The following CFAP77 variants were observed in gnomAD, a reference collection of about 807,000 sequenced individuals.
CFAP77 encodes cilia and flagella associated protein 77.
In CFAP77, 25 loss-of-function variants were observed where a neutral mutation model predicts 31.1. The ratio of observed to expected loss-of-function variants is 0.80; its 90% confidence interval spans 0.59 to 1.12. The LOEUF is 1.12. Ranked by LOEUF, CFAP77 falls within the 50% of genes most tolerant of loss-of-function variation. The pLI, the probability that CFAP77 is intolerant of heterozygous loss-of-function variation, is 0.00. For synonymous variants in CFAP77, 151 were observed against 159.9 expected (o/e 0.94, Z 0.42); for missense variants, 377 against 397.3 (o/e 0.95, Z 0.44).
At position 132,499,363 on chromosome 9, in the gene CFAP77, T is replaced by A; in HGVS notation, c.296-9T>A. On this transcript the variant is annotated splice_polypyrimidine_tract_variant and intron_variant, in intron 2 of 5. Coordinates refer to ENST00000393216, the MANE Select transcript of CFAP77 (RefSeq NM_001282957.2). This position sits in a 1 kb window ranked among gnomAD's most constrained non-coding sequence, Gnocchi z 5.4. ...GACCACTGCCCCGTGGGTCTCTCCC[T>A]GCCCTCAGCCATCGGACGCTGGAAC... 1 of 1,613,606 alleles carries A rather than the reference T, an allele frequency of 6.2e-7. No homozygotes were observed. The highest frequency in any genetic ancestry group is 8.5e-7 in the Non-Finnish European group (1 of 1,179,794).
chr9:132,561,372 C>T lies in CFAP77; in HGVS notation c.733-11016C>T, dbSNP rs191080968. Reference sequence around the variant, plus strand: ...ATTTTTTTAAATCTGTTTTCCCCCCCCAAATCCTCCCTTTTGCCTTGTTAG... The same window carrying T: ...ATTTTTTTAAATCTGTTTTCCCCCCTCAAATCCTCCCTTTTGCCTTGTTAG... On this transcript the variant is annotated intron_variant, in intron 5 of 5. Transcript: ENST00000393216. 1.6e-4 allele frequency among the ~76,000 whole-genome samples: 24 copies of T among 151,842 alleles called. No individual in the cohort carries two copies. The South Asian group carries it at 4.6e-3, about 29-fold the overall frequency.
At chr9:132,435,329 T>A (rs779678988) in intron 1 of CFAP77, among the ~76,000 whole-genome samples, 12 of 152,208 alleles carry the variant, frequency 7.9e-5, no homozygotes, top group Non-Finnish European at 1.5e-4. Flanking sequence ...TTTGGGGTTC[T>A]AAGAGAGAGA....
At chr9:132,559,477 G>A (rs1173860581) in intron 5 of CFAP77, among the ~76,000 whole-genome samples, 1 of 151,472 alleles carries the variant, frequency 6.6e-6, no homozygotes, top group Non-Finnish European at 1.5e-5. Flanking sequence ...AAATCACAAT[G>A]AGATGGGACT....
At chr9:132,486,481 A>G (rs1229683906) in intron 1 of CFAP77, among the ~76,000 whole-genome samples, 2 of 152,112 alleles carry the variant, frequency 1.3e-5, no homozygotes, top group East Asian at 3.9e-4. Flanking sequence ...TCCTTCCCCA[A>G]GACGATGAGC....
At chr9:132,507,608 A>T (rs1027595642) in intron 3 of CFAP77, among the ~76,000 whole-genome samples, 13 of 152,120 alleles carry the variant, frequency 8.5e-5, no homozygotes, top group African/African-American at 2.7e-4. Context: ...TGCCAAGCTG[A>T]TATATTTTAC....
At chr9:132,461,742 A>T (rs1390982998) in intron 1 of CFAP77, among the ~76,000 whole-genome samples, 4 of 152,218 alleles carry the variant, frequency 2.6e-5, no homozygotes, top group Non-Finnish European at 4.4e-5. Context: ...CAATGGCCAT[A>T]ACAAGGCAAT....
chr9:132,523,053 G>A (rs537001886), intron 3 of CFAP77, among the ~76,000 whole-genome samples: 6 of 151,240 alleles, frequency 4.0e-5, no homozygotes, highest in South Asian at 2.1e-4. Context: ...CTCGGGCCTC[G>A]CTGTGGACAT....
At chr9:132,447,209 T>TC (rs1267414238) in intron 1 of CFAP77, among the ~76,000 whole-genome samples, 8 of 152,004 alleles carry the variant, frequency 5.3e-5, no homozygotes, top group South Asian at 4.2e-4. Flanking sequence ...TTTTATGTTT[T>TC]CCCCCCTTAA....
At chr9:132,553,055 T>G (rs532590721) in intron 5 of CFAP77, among the ~76,000 whole-genome samples, 1 of 152,188 alleles carries the variant, frequency 6.6e-6, no homozygotes, top group Non-Finnish European at 1.5e-5. Flanking sequence ...CTGGAGACTA[T>G]AAGTCCAAGG....
chr9:132,510,391 G>T (rs576003198), intron 3 of CFAP77, among the ~76,000 whole-genome samples: 1 of 152,332 alleles, frequency 6.6e-6, no homozygotes, highest in South Asian at 2.1e-4. Context: ...GCCTCTTATC[G>T]CCTCTACAGC....
At chr9:132,494,177 G>A (rs893100822) in intron 1 of CFAP77, among the ~76,000 whole-genome samples, 1 of 152,142 alleles carries the variant, frequency 6.6e-6, no homozygotes, top group Non-Finnish European at 1.5e-5. Context: ...CTCCCAAAGG[G>A]CCGGGATTAC....
rs1474103889 is a variant in CFAP77, at chr9:132,497,767, C to T, written c.196-928C>T. 1.3e-5 allele frequency among the ~76,000 whole-genome samples: 2 copies of T among 152,178 alleles called. No homozygotes were observed. The highest frequency in any genetic ancestry group is 2.9e-5 in the Non-Finnish European group (2 of 68,024). ...GACGGCATGAGGGAAGGCCAGGGAGCCCCAAACATTGTGCCTGGGATGCAG... is the reference window on the plus strand; with the variant it reads ...GACGGCATGAGGGAAGGCCAGGGAGTCCCAAACATTGTGCCTGGGATGCAG... On this transcript the variant is annotated intron_variant, in intron 1 of 5. Transcript: ENST00000393216. This position sits in a 1 kb window ranked among gnomAD's most constrained non-coding sequence, Gnocchi z 4.9.
At chr9:132,417,622 C>T (rs1043268507) in intron 1 of CFAP77, among the ~76,000 whole-genome samples, 3 of 152,170 alleles carry the variant, frequency 2.0e-5, no homozygotes, top group African/African-American at 7.2e-5. Flanking sequence ...TCCTCAGTTT[C>T]CCCTAATTTA....
At chr9:132,468,011 C>G (rs1055133859) in intron 1 of CFAP77, among the ~76,000 whole-genome samples, 10 of 152,086 alleles carry the variant, frequency 6.6e-5, no homozygotes, top group African/African-American at 2.4e-4. Context: ...CTCACTCCCC[C>G]TCCTGCATCC....
At chr9:132,477,035 G>A (rs1004629963) in intron 1 of CFAP77, among the ~76,000 whole-genome samples, 6 of 152,178 alleles carry the variant, frequency 3.9e-5, no homozygotes, top group Admixed American at 6.5e-5. Context: ...CTCTGGTCTT[G>A]GGGCTGCCGG....
chr9:132,483,355 C>A (rs1378437385), intron 1 of CFAP77, among the ~76,000 whole-genome samples: 1 of 152,122 alleles, frequency 6.6e-6, no homozygotes, highest in Non-Finnish European at 1.5e-5. Context: ...GACCCCCATA[C>A]ATAAAGCATA....
At chr9:132,531,657 A>AG (rs980724360) in intron 3 of CFAP77, among the ~76,000 whole-genome samples, 2 of 150,624 alleles carry the variant, frequency 1.3e-5, no homozygotes, top group African/African-American at 2.5e-5. Context: ...ATTTTAAGCA[A>AG]GGGGTGATAT....
In CFAP77 at chr9:132,529,507, T is replaced by TAAAAAAA. The variant is rs750691279; in HGVS notation, c.525-8088_525-8082dup. Among the ~76,000 whole-genome samples the TAAAAAAA allele has an allele frequency of 3.5e-3, 381 of 108,694 alleles. 6 individuals carry two copies. Among genetic ancestry groups the TAAAAAAA allele is most frequent in the African/African-American group, 0.012 (360 of 29,896 alleles). The allele number at this position is 108,694 out of a possible 152,430, so 71.3% of individuals were successfully genotyped here. A position where few individuals can be genotyped will look rare whatever the true frequency, so the allele number is the denominator to read the frequency against. On this transcript the variant is annotated intron_variant, in intron 3 of 5. Transcript: ENST00000393216. Reference sequence around the variant, plus strand: ...ATGTACCCTAAAACTTAGAGTATAATAAAAAAAAAAAACAAAAAAAAAACT... The same window carrying TAAAAAAA: ...ATGTACCCTAAAACTTAGAGTATAATAAAAAAAAAAAAAAAAAAACAAAAAAAAAACT...
chr9:132,502,043 C>T (rs1047109386), intron 3 of CFAP77, among the ~76,000 whole-genome samples: 2 of 152,148 alleles, frequency 1.3e-5, no homozygotes, highest in African/African-American at 4.8e-5. Flanking sequence ...TAAATAGAAG[C>T]GGCTGCTCCC....
Sources: gnomAD v4.1 joint callset for allele counts (sites outside exome capture counted in the v4.1 genomes callset) on GRCh38, gnomAD v4.1.1 for gene constraint, Gnocchi (gnomAD v3.1) non-coding constraint, MANE v1.5 for transcripts, NCBI Gene and HGNC (gene_info 2026-07-23, HGNC 2026-07-21) for gene names.